ANKAR: variants seen among roughly 807,000 people sequenced by gnomAD.
The protein encoded by ANKAR is ankyrin and armadillo repeat-containing protein.
Under a neutral mutation model 146.2 loss-of-function variants are expected in ANKAR, and 136 were observed. The observed-to-expected ratio is 0.93, with a 90% CI of 0.81 to 1.07. The LOEUF is 1.07. Among genes scored for constraint, ANKAR ranks in the 50% least tolerant of loss-of-function variants. The pLI, the probability that ANKAR is intolerant of heterozygous loss-of-function variation, is 0.00. For synonymous variants in ANKAR, 500 were observed against 575.8 expected (o/e 0.87, Z 1.88); for missense variants, 1,567 against 1,679.9 (o/e 0.93, Z 1.18).
intron 2 of ANKAR, among the ~76,000 whole-genome samples, chr2:189,687,442 T>C (rs2035773862): frequency 6.6e-6 from 1 of 152,212 alleles, no homozygotes; most frequent in Non-Finnish European, 1.5e-5. Context: ...AGATACCCTT[T>C]GATATTCCGA....
At chr2:189,696,767 T>C (rs1294835701) in intron 7 of ANKAR, among the ~76,000 whole-genome samples, 2 of 152,330 alleles carry the variant, frequency 1.3e-5, no homozygotes, top group East Asian at 3.9e-4. Context: ...TATACACTGA[T>C]ATACTATAGA....
At chr2:189,686,457 T>A (rs1367457882) in intron 2 of ANKAR, among the ~76,000 whole-genome samples, 1 of 152,208 alleles carries the variant, frequency 6.6e-6, no homozygotes, top group Non-Finnish European at 1.5e-5. Flanking sequence ...GGGAAATTTG[T>A]CATTTTTTGA....
chr2:189,759,498 C>T (rs976549263), intron 18 of ANKAR, among the ~76,000 whole-genome samples: 1 of 152,188 alleles, frequency 6.6e-6, no homozygotes, highest in Non-Finnish European at 1.5e-5. Context: ...GGTCCACTTG[C>T]CTCGGCCTCC....
chr2:189,688,621 C>CCACT, intron 2 of ANKAR, among the ~76,000 whole-genome samples: 1 of 152,268 alleles, frequency 6.6e-6, no homozygotes, highest in East Asian at 1.9e-4. Flanking sequence ...GGAATTTAAG[C>CCACT]TGAACTGTTT....
At chr2:189,714,826 G>A (rs1482091364) in intron 10 of ANKAR, among the ~76,000 whole-genome samples, 1 of 151,746 alleles carries the variant, frequency 6.6e-6, no homozygotes, top group Non-Finnish European at 1.5e-5. Context: ...GGTACCTGTA[G>A]TCCCGGCTAC....
chr2:189,679,541 A>G (rs140651835), intron 2 of ANKAR, among the ~76,000 whole-genome samples: 280 of 152,260 alleles, frequency 1.8e-3, no homozygotes, highest in African/African-American at 6.3e-3. Context: ...GTCTTGTTCC[A>G]GTTCTTAGGG....
chr2:189,692,513 C>A, intron 4 of ANKAR, 95 bp downstream of exon 4: 1 of 1,076,604 alleles, frequency 9.3e-7, no homozygotes, highest in Non-Finnish European at 1.3e-6. Context: ...AGGCACTCGA[C>A]AGCTCTCCAA....
At chr2:189,742,719 A>G (rs1312857990) in intron 20 of ANKAR, among the ~76,000 whole-genome samples, 2 of 152,112 alleles carry the variant, frequency 1.3e-5, no homozygotes, top group Non-Finnish European at 2.9e-5. Flanking sequence ...CTAGGGATGG[A>G]ACCCAGGCAT....
intron 2 of ANKAR, among the ~76,000 whole-genome samples, chr2:189,682,681 A>T (rs924675369): frequency 2.0e-5 from 3 of 152,144 alleles, no homozygotes; most frequent in African/African-American, 7.2e-5. Flanking sequence ...CCTAGGTTAC[A>T]CTCCAAATTG....
chr2:189,732,894 A>C (rs1227850080), intron 16 of ANKAR, among the ~76,000 whole-genome samples: 1 of 152,098 alleles, frequency 6.6e-6, no homozygotes, highest in Non-Finnish European at 1.5e-5. Context: ...TTGGTCCCTG[A>C]ACACAGAAAG....
In ANKAR at chr2:189,689,742, A is replaced by G. The variant is rs1559065546; in HGVS notation, c.817A>G (p.Ile273Val). The change falls in exon 3 of 23, where the codon ATA (isoleucine) becomes GTA (valine). Residue 273 changes from isoleucine (I) to valine (V), a missense_variant. Ile to Val is a conservative substitution (Grantham distance 29). Coordinates refer to ENST00000684021, the MANE Select transcript of ANKAR (RefSeq NM_001378068.1). ...AACAGGCTATTGGCTTACTAATGCT[A>G]TAAAATATAATCAGGATTATCTTGA... ...FETGYWLTNA[I>V]KYNQDYLDIC... is the part of the protein sequence containing the mutation. 1.9e-6 allele frequency: 3 copies of G among 1,612,948 alleles called. No homozygotes were observed. The highest frequency in any genetic ancestry group is 3.3e-4 in the Middle Eastern group (2 of 6,056).
intron 18 of ANKAR, among the ~76,000 whole-genome samples, chr2:189,760,545 C>A (rs1012397032): frequency 1.3e-5 from 2 of 152,220 alleles, no homozygotes; most frequent in East Asian, 3.9e-4. Flanking sequence ...GTAATCCCTG[C>A]ACTTTGGGAG....
intron 19 of ANKAR, 55 bp downstream of exon 19, chr2:189,738,737 T>C (rs2043070184): frequency 9.0e-7 from 1 of 1,107,714 alleles, no homozygotes; most frequent in Admixed American, 2.1e-5. Flanking sequence ...TCAAAAACAG[T>C]TTATTGTAAT....
intron 7 of ANKAR, among the ~76,000 whole-genome samples, chr2:189,703,852 A>T (rs1457716420): frequency 6.6e-6 from 1 of 152,188 alleles, no homozygotes; most frequent in Non-Finnish European, 1.5e-5. Context: ...ACTACTGAGA[A>T]ATAAGTAAGA....
chr2:189,705,147 T>G lies in ANKAR; in HGVS notation c.1833T>G (p.Ala611=), dbSNP rs535657434. The G allele has an allele frequency of 2.5e-6, 4 of 1,614,200 alleles. No individual in the cohort carries two copies. In the East Asian group the frequency reaches 8.9e-5, roughly 36 times the overall value. ...KRGWMPIHFA[A]FYDNVCIIIA... is the part of the protein sequence containing the mutation. ...GCTGGATGCCGATTCACTTTGCCGC[T>G]TTCTATGACAACGTTTGCATCATTA... The change falls in exon 8 of 23, where the codon GCT becomes GCG. Residue 611 remains alanine (A), a synonymous_variant. Transcript: ENST00000684021.
Position 189,754,010 on chromosome 2 carries a change from T to A in ANKAR, c.*585-7088T>A, listed in dbSNP as rs571507400. 1.1e-5 allele frequency: 17 copies of A among 1,613,734 alleles called. No individual in the cohort carries two copies. In the South Asian group the frequency reaches 1.8e-4, roughly 17 times the overall value. ...CACAAGATGACATGCCATTGTGTGC[T>A]GTACTGTGGCAGCAATGTCTGCTGC... On this transcript the variant is annotated intron_variant and NMD_transcript_variant, in intron 18 of 18. Transcript: ENST00000441800.
At chr2:189,692,011 C>G (rs1420871542) in intron 3 of ANKAR, among the ~76,000 whole-genome samples, 1 of 152,140 alleles carries the variant, frequency 6.6e-6, no homozygotes, top group African/African-American at 2.4e-5. Context: ...ATCCGCCCCC[C>G]TCAGCCTCTC....
At chr2:189,718,369 CACACA>C (rs2040809656) in intron 10 of ANKAR, among the ~76,000 whole-genome samples, 2 of 151,300 alleles carry the variant, frequency 1.3e-5, no homozygotes, top group Non-Finnish European at 3.0e-5. Flanking sequence ...GACACACACA[CACACA>C]CACACACACA....
intron 10 of ANKAR, among the ~76,000 whole-genome samples, chr2:189,712,157 TG>T (rs71023711): frequency 0.98 from 149,465 of 152,308 alleles, 73,397 homozygotes; most frequent in East Asian, 1. Flanking sequence ...ACCCCACATC[TG>T]GGGGGGCAGG....
Sources: gnomAD v4.1 joint callset for allele counts (sites outside exome capture counted in the v4.1 genomes callset) on GRCh38, gnomAD v4.1.1 for gene constraint, MANE v1.5 for transcripts, NCBI Gene and HGNC (gene_info 2026-07-23, HGNC 2026-07-21) for gene names.